Variants in DOCK10 observed in about 807,000 individuals in gnomAD.
DOCK10 encodes the protein dedicator of cytokinesis protein 10.
DOCK10 carries 145 observed loss-of-function variants against 280.1 expected under a neutral mutation model. That is an observed-to-expected ratio of 0.52 (90% CI 0.45 to 0.59). The LOEUF (loss-of-function observed/expected upper bound fraction) is 0.59, where lower values mean the gene tolerates loss of function less well. DOCK10 is among the 20% of genes least tolerant of loss of function. The pLI is 0.00. For synonymous variants in DOCK10, 915 were observed against 942.2 expected, an observed-to-expected ratio of 0.97 and a Z score of 0.53; for missense variants, 2,368 against 2,651.7, an observed-to-expected ratio of 0.89 and a Z score of 2.35.
intron 8 of DOCK10, among the ~76,000 whole-genome samples, chr2:224,875,425 T>C (rs538449883): frequency 6.6e-6 from 1 of 152,306 alleles, no homozygotes; most frequent in Non-Finnish European, 1.5e-5. Context: ...GAACTTGCCT[T>C]CTATGTAGCT....
At chr2:225,001,114 T>C (rs1412842027) in intron 1 of DOCK10, among the ~76,000 whole-genome samples, 1 of 152,234 alleles carries the variant, frequency 6.6e-6, no homozygotes, top group Non-Finnish European at 1.5e-5. Context: ...CAGTGATATT[T>C]TATCAGTACT....
At chr2:225,036,229 T>G (rs1462269887) in intron 1 of DOCK10, among the ~76,000 whole-genome samples, 1 of 152,116 alleles carries the variant, frequency 6.6e-6, no homozygotes, top group Non-Finnish European at 1.5e-5. Context: ...ACCTGGAAAA[T>G]TAAGTTCACA....
At chr2:224,866,336 T>C (rs1697910613) in intron 11 of DOCK10, among the ~76,000 whole-genome samples, 2 of 152,238 alleles carry the variant, frequency 1.3e-5, no homozygotes, top group African/African-American at 4.8e-5. Context: ...ATTCAGGTCA[T>C]GCTTTTATGG....
chr2:224,918,964 G>T (rs1450355581), intron 2 of DOCK10, among the ~76,000 whole-genome samples: 1 of 147,410 alleles, frequency 6.8e-6, no homozygotes, highest in Non-Finnish European at 1.5e-5. Flanking sequence ...GTGTGTGTGT[G>T]TATGTGTGGT....
At chr2:224,874,578 AAAAG>A (rs1698507271) in intron 9 of DOCK10, 84 bp downstream of exon 9, 1 of 1,337,708 alleles carries the variant, frequency 7.5e-7, no homozygotes, top group Non-Finnish European at 1.1e-6. Flanking sequence ...TCTAAATCTT[AAAAG>A]AAAGCATTTA....
In DOCK10 at chr2:224,876,137, T is replaced by C; in HGVS notation, c.832A>G (p.Met278Val). 6.2e-7 allele frequency: 1 copy of C among 1,613,994 alleles called. No individual in the cohort carries two copies. The stretch of plus-strand genomic sequence containing the variant: ...TTGAGGGTGTGGATCCATTCATCCA[T>C]ATCTGACTCTGTTTCAGCTGCCAGC... Reference protein sequence around the residue: ...FVLAAETESDMDEWIHTLNRI... With the variant: ...FVLAAETESDVDEWIHTLNRI... The change falls in exon 8 of 56, where the codon ATG becomes GTG. Residue 278 changes from methionine (M) to valine (V), a missense_variant. Around this residue, in one of 2 missense-constraint regions of DOCK10, gnomAD observed 1,209 missense variants for 1,250.9 expected, o/e 0.97. Transcript: ENST00000258390.
intron 1 of DOCK10, among the ~76,000 whole-genome samples, chr2:225,030,263 C>T (rs1411658303): frequency 2.6e-5 from 4 of 151,996 alleles, no homozygotes; most frequent in African/African-American, 7.2e-5. Flanking sequence ...GCTCTAAAGC[C>T]GTGTCATGAA....
chr2:224,963,490 A>C (rs906145736), intron 1 of DOCK10, among the ~76,000 whole-genome samples: 5 of 152,236 alleles, frequency 3.3e-5, no homozygotes, highest in Non-Finnish European at 7.3e-5. Flanking sequence ...GGACAAGAGA[A>C]TATTTCTTGT....
intron 1 of DOCK10, among the ~76,000 whole-genome samples, chr2:224,961,426 C>CTTTCTTTCTT (rs1704405017): frequency 8.2e-6 from 1 of 122,442 alleles, no homozygotes; most frequent in Non-Finnish European, 1.7e-5. Context: ...TTCTTTCTTT[C>CTTTCTTTCTT]TTTCTTTCTT....
chr2:225,024,169 G>T (rs1689856651), intron 1 of DOCK10, among the ~76,000 whole-genome samples: 1 of 152,148 alleles, frequency 6.6e-6, no homozygotes, highest in Non-Finnish European at 1.5e-5. Context: ...CTTGATTAAA[G>T]AAAACTTAAG....
rs750136377 is a variant in DOCK10 at position 224,940,404 on chromosome 2, G to A, written c.124-8736C>T. On this transcript the variant is annotated intron_variant, in intron 1 of 55. Coordinates refer to ENST00000258390, the MANE Select transcript of DOCK10 (RefSeq NM_014689.3). ...TACAAGGAATAGTGCCTAGAATAAG[G>A]GACTACTATTTCCTCAATTTTTATG... Among the ~76,000 whole-genome samples, 201 of 152,090 alleles carry A rather than the reference G, an allele frequency of 1.3e-3. 4 individuals are homozygous for A. The highest frequency in any genetic ancestry group is 1.5e-3 in the Admixed American group (23 of 15,274).
intron 29 of DOCK10, among the ~76,000 whole-genome samples, chr2:224,817,833 GC>G (rs2125304644): frequency 6.6e-6 from 1 of 152,282 alleles, no homozygotes; most frequent in East Asian, 1.9e-4. Context: ...TAATGTTTAA[GC>G]AACTAAGCAT....
rs4674941 is a variant in DOCK10, at chr2:224,806,184, G to C, written c.3756C>G (p.Ile1252Met). 241,160 of 1,605,802 alleles carry C rather than the reference G, an allele frequency of 0.15. 26,817 individuals are homozygous for C. The highest frequency in any genetic ancestry group is 0.59 in the African/African-American group (44,085 of 74,276). The change falls in exon 34 of 56, where the codon ATC becomes ATG. Residue 1252 changes from isoleucine (I) to methionine (M), a missense_variant. By Grantham distance (10) the Ile-to-Met change is conservative. Transcript: ENST00000258390. ...TNGGFQSQTAIKHANSVDTSF... is the reference protein window; with the variant it reads ...TNGGFQSQTAMKHANSVDTSF... ...ATGTATCCACAGAGTTTGCATGTTT[G>C]ATAGCTGTCTGGCTTTGAAATCCTC...
At chr2:224,852,500 A>G in intron 17 of DOCK10, 58 bp from the exon 18 acceptor site, 1 of 1,382,410 alleles carries the variant, frequency 7.2e-7, no homozygotes, top group South Asian at 1.3e-5. Flanking sequence ...AACATAAAAA[A>G]CCCAAGTGCC....
chr2:224,915,752 A>G (rs1701274394), intron 3 of DOCK10, among the ~76,000 whole-genome samples: 1 of 152,248 alleles, frequency 6.6e-6, no homozygotes, highest in South Asian at 2.1e-4. Flanking sequence ...CTATAAGGAA[A>G]GGATAAGCAT....
Position 224,844,831 on chromosome 2 carries a change from C to G in DOCK10, c.2490G>C (p.Gly830=). The change falls in exon 22 of 56, where the codon GGG becomes GGC. Residue 830 remains glycine, a synonymous_variant. Transcript: ENST00000258390. ...FQDSASGKHG[G]SDIKWVDGGK... ...CACCATCAACCCATTTAATGTCACT[C>G]CCACCATGCTGCAAAATAAAGTTTG... 2 of 1,606,062 alleles carry G rather than the reference C, an allele frequency of 1.2e-6. No homozygotes were observed. Among genetic ancestry groups the G allele is most frequent in the Non-Finnish European group, 1.7e-6 (2 of 1,175,566 alleles).
intron 1 of DOCK10, among the ~76,000 whole-genome samples, chr2:224,951,591 C>G (rs748526599): frequency 6.6e-6 from 1 of 152,212 alleles, no homozygotes. Flanking sequence ...TTCTGGCAAT[C>G]TGTATTAGTT....
chr2:224,839,887 T>C, intron 24 of DOCK10, 67 bp downstream of exon 24: 1 of 656,108 alleles, frequency 1.5e-6, no homozygotes, highest in Non-Finnish European at 2.5e-6. Flanking sequence ...GACTGTTTAG[T>C]TATAATTAAG....
At chr2:224,775,920 C>T (rs1690824628) in intron 51 of DOCK10, among the ~76,000 whole-genome samples, 1 of 152,188 alleles carries the variant, frequency 6.6e-6, no homozygotes, top group Non-Finnish European at 1.5e-5. Context: ...TTTAATTTAG[C>T]AGATTAGCTG....
Sources: gnomAD v4.1 joint callset for allele counts (sites outside exome capture counted in the v4.1 genomes callset) on GRCh38, gnomAD v4.1.1 for gene constraint, gnomAD v4.1.1 regional missense constraint, MANE v1.5 for transcripts, NCBI Gene and HGNC (gene_info 2026-07-23, HGNC 2026-07-21) for gene names.